The following GAREM1 variants were observed in gnomAD, a reference collection of about 807,000 sequenced individuals.
The protein encoded by GAREM1 is GRB2 associated regulator of MAPK1 subtype 1, also known as GRB2-associated and regulator of MAPK protein 1.
A neutral mutation model predicts 71.3 loss-of-function variants in GAREM1; 26 were observed. The ratio of observed to expected loss-of-function variants is 0.36; its 90% CI spans 0.27 to 0.51. GAREM1 has a LOEUF of 0.51. GAREM1 is among the 20% of genes least tolerant of loss of function. GAREM1 has a pLI of 0.95. For missense variants in GAREM1, 1,026 were observed against 1,103.1 expected (o/e 0.93, Z 0.99); for synonymous variants, 440 against 433.2 (o/e 1.02, Z -0.20).
intron 1 of GAREM1, among the ~76,000 whole-genome samples, chr18:32,448,105 G>T (rs1013381489): frequency 4.6e-5 from 7 of 152,058 alleles, no homozygotes; most frequent in African/African-American, 9.7e-5. Context: ...GATCTCTCTT[G>T]CCCCATTGTC....
chr18:32,288,667 T>C (rs1254496452), intron 3 of GAREM1, among the ~76,000 whole-genome samples: 1 of 151,962 alleles, frequency 6.6e-6, no homozygotes, highest in Non-Finnish European at 1.5e-5. Flanking sequence ...ATTATTTAAT[T>C]GGAAGAAATA....
chr18:32,330,520 T>C (rs181742095), intron 2 of GAREM1, among the ~76,000 whole-genome samples: 43 of 152,132 alleles, frequency 2.8e-4, no homozygotes, highest in African/African-American at 1.0e-3. Flanking sequence ...ATTGAAATGA[T>C]TAAAAAAAGA....
intron 1 of GAREM1, among the ~76,000 whole-genome samples, chr18:32,440,374 T>G (rs1309419550): frequency 6.6e-6 from 1 of 152,168 alleles, no homozygotes; most frequent in East Asian, 1.9e-4. Flanking sequence ...TGATATGTCC[T>G]AGTTCAAATT....
chr18:32,470,300 G>A lies in GAREM1; in HGVS notation c.121+8C>T. 2 of 1,539,206 alleles carry A rather than the reference G, an allele frequency of 1.3e-6. No homozygotes were observed. The highest frequency in any genetic ancestry group is 1.2e-5 in the South Asian group (1 of 82,718). The stretch of plus-strand genomic sequence containing the variant: ...GCCCGTCTGCCCCGCGCCCCAGCTG[G>A]GACTCACCGTTGTCCAGGCGCGCGA... On this transcript the variant is annotated splice_region_variant and intron_variant, in intron 1 of 5. Coordinates refer to ENST00000269209, the MANE Select transcript of GAREM1 (RefSeq NM_001242409.2). This position sits in a 1 kb window ranked among gnomAD's most constrained non-coding sequence, Gnocchi z 4.4.
chr18:32,417,922 C>T (rs1244375158), intron 1 of GAREM1, among the ~76,000 whole-genome samples: 1 of 152,004 alleles, frequency 6.6e-6, no homozygotes, highest in Non-Finnish European at 1.5e-5. Flanking sequence ...TGAGGAGATA[C>T]CCAATTTTCC....
intron 2 of GAREM1, among the ~76,000 whole-genome samples, chr18:32,379,468 G>A (rs1162438879): frequency 8.5e-6 from 1 of 117,108 alleles, no homozygotes; most frequent in East Asian, 3.2e-4. Context: ...GCCGGGGGGG[G>A]TGGGGGGCGG....
intron 2 of GAREM1, among the ~76,000 whole-genome samples, chr18:32,326,686 GT>G (rs1461270919): frequency 1.3e-5 from 2 of 152,132 alleles, no homozygotes; most frequent in East Asian, 3.9e-4. Flanking sequence ...GTCTTCTTTT[GT>G]TTTCTTTAGT....
chr18:32,470,162 G>C lies in GAREM1; in HGVS notation c.121+146C>G. 1 of 1,017,660 alleles carries C rather than the reference G, an allele frequency of 9.8e-7. No individual in the cohort carries two copies. Among genetic ancestry groups the C allele is most frequent in the Non-Finnish European group, 1.3e-6 (1 of 777,692 alleles). 63.0% of individuals were successfully genotyped at this position (1,017,660 alleles called of 1,614,324 possible). On this transcript the variant is annotated intron_variant, in intron 1 of 5. Transcript: ENST00000269209. The surrounding 1 kb of genome is among the most constrained non-coding windows in gnomAD (Gnocchi z 4.4). ...GGGGAGTTGAGAGCAACGCGCCAGG[G>C]CTGCGGCAGCCGCTCGGGCCAACTC... is the stretch of plus-strand genomic sequence containing the variant.
chr18:32,456,412 G>T (rs1164840893), intron 1 of GAREM1, among the ~76,000 whole-genome samples: 1 of 152,090 alleles, frequency 6.6e-6, no homozygotes, highest in African/African-American at 2.4e-5. Flanking sequence ...TTACGCTGGT[G>T]AATATTTTTT....
chr18:32,424,734 C>G (rs537247930), intron 1 of GAREM1, among the ~76,000 whole-genome samples: 1 of 152,298 alleles, frequency 6.6e-6, no homozygotes, highest in Non-Finnish European at 1.5e-5. Context: ...CTTTATATTG[C>G]TATCAACATA....
chr18:32,263,550 A>G lies in GAREM1; in HGVS notation c.*4321T>C, dbSNP rs2041334730. The G allele has an allele frequency of 6.6e-6, 1 of 152,176 alleles. No homozygotes were observed. Among genetic ancestry groups the G allele is most frequent in the Admixed American group, 6.5e-5 (1 of 15,282 alleles). 9.4% of individuals were successfully genotyped at this position (152,176 alleles called of 1,614,324 possible). A position where few individuals can be genotyped will look rare whatever the true frequency, so the allele number is the denominator to read the frequency against. On this transcript the variant is annotated 3_prime_UTR_variant, in exon 6 of 6. Transcript: ENST00000269209. ...CTTTGAAAATTTCTTTATTACAGACATTTCAGAACCATTTAAATCAACAGA... is the reference window on the plus strand; with the variant it reads ...CTTTGAAAATTTCTTTATTACAGACGTTTCAGAACCATTTAAATCAACAGA...
chr18:32,466,173 CTT>C (rs71384940), intron 1 of GAREM1, among the ~76,000 whole-genome samples: 2 of 149,276 alleles, frequency 1.3e-5, no homozygotes, highest in East Asian at 2.0e-4. Flanking sequence ...AATCTATATA[CTT>C]TTTTTTTTGG....
intron 2 of GAREM1, among the ~76,000 whole-genome samples, chr18:32,328,600 T>C (rs2047495590): frequency 6.6e-6 from 1 of 152,156 alleles, no homozygotes; most frequent in African/African-American, 2.4e-5. Flanking sequence ...GTGGAATAAA[T>C]GACGTTAGAG....
At chr18:32,415,323 T>C (rs3096904) in intron 1 of GAREM1, among the ~76,000 whole-genome samples, 2,547 of 150,422 alleles carry the variant, frequency 0.017, 73 homozygotes, top group African/African-American at 0.052. Flanking sequence ...TGAAAAAAAA[T>C]AGAGGAAGAG....
chr18:32,295,647 T>C (rs2047132512), intron 3 of GAREM1, among the ~76,000 whole-genome samples: 1 of 152,210 alleles, frequency 6.6e-6, no homozygotes, highest in African/African-American at 2.4e-5. Context: ...ATTTTAATCT[T>C]TGGAACAAGT....
Position 32,264,667 on chromosome 18 carries a change from G to A in GAREM1, c.*3204C>T, listed in dbSNP as rs2041349068. ...TTCATAAACTGCAATGATATATGTG[G>A]GTTGAAAGAATGTAAGTAAATTTCA... On this transcript the variant is annotated 3_prime_UTR_variant, in exon 6 of 6. Coordinates refer to ENST00000269209, the MANE Select transcript of GAREM1 (RefSeq NM_001242409.2). The A allele has an allele frequency of 6.6e-6, 1 of 152,194 alleles. No homozygotes were observed. Among genetic ancestry groups the A allele is most frequent in the Admixed American group, 6.5e-5 (1 of 15,288 alleles). The allele number at this position is 152,194 out of a possible 1,614,324, so 9.4% of individuals were successfully genotyped here.
intron 1 of GAREM1, among the ~76,000 whole-genome samples, chr18:32,400,765 G>A (rs1423446987): frequency 2.0e-5 from 3 of 152,170 alleles, no homozygotes; most frequent in African/African-American, 7.2e-5. Flanking sequence ...AGACAGTGTG[G>A]CGATTCCTCA....
chr18:32,334,087 T>G (rs1249071176), intron 2 of GAREM1, among the ~76,000 whole-genome samples: 1 of 152,182 alleles, frequency 6.6e-6, no homozygotes, highest in Non-Finnish European at 1.5e-5. Context: ...GGAAAGAAGC[T>G]GGTGTCCCGA....
Position 32,412,222 on chromosome 18 carries a change from T to A in GAREM1, c.122-19187A>T, listed in dbSNP as rs1313082309. The stretch of plus-strand genomic sequence containing the variant: ...TAAGCTTTGTTTCCTAATTAAAATC[T>A]TCTGCCACTGACACAGCTACTGCTG... On this transcript the variant is annotated intron_variant, in intron 1 of 5. Coordinates refer to ENST00000269209, the MANE Select transcript of GAREM1 (RefSeq NM_001242409.2). 1.9e-6 allele frequency: 3 copies of A among 1,572,648 alleles called. No homozygotes were observed. In the African/African-American group the frequency reaches 4.0e-5, roughly 21 times the overall value.
Sources: allele counts gnomAD v4.1 joint callset (sites outside exome capture counted in the v4.1 genomes callset), GRCh38; gene constraint gnomAD v4.1.1; non-coding constraint Gnocchi (gnomAD v3.1); transcripts MANE v1.5; gene names NCBI Gene and HGNC (gene_info 2026-07-23, HGNC 2026-07-21).